Variants in CUX2 observed in about 807,000 individuals in gnomAD.
CUX2 encodes cut like homeobox 2.
CUX2 carries 40 observed loss-of-function variants against 144.8 expected under a neutral mutation model. The observed-to-expected ratio is 0.28, with a 90% confidence interval of 0.21 to 0.36. CUX2 has a LOEUF of 0.36. CUX2 is among the 10% of genes least tolerant of loss of function. The pLI, the probability that CUX2 is intolerant of heterozygous loss-of-function variation, is 1.00. For missense variants in CUX2, 1,615 were observed against 1,994.0 expected, an observed-to-expected ratio of 0.81 and a Z score of 3.62; for synonymous variants, 827 against 875.6, an observed-to-expected ratio of 0.94 and a Z score of 0.98.
At position 111,293,977 on chromosome 12, in the gene CUX2, T is replaced by A. The variant is rs991251738; in HGVS notation, c.560+408T>A. Among the ~76,000 whole-genome samples, 4 of 152,264 alleles carry A rather than the reference T, an allele frequency of 2.6e-5. No individual in the cohort carries two copies. Among genetic ancestry groups the A allele is most frequent in the Non-Finnish European group, 5.9e-5 (4 of 68,046 alleles). On this transcript the variant is annotated intron_variant, in intron 6 of 21. Transcript: ENST00000261726. This position sits in a 1 kb window ranked among gnomAD's most constrained non-coding sequence, Gnocchi z 4.5. ...GCAGGAGTTGGTGCTGCAATCTTTT[T>A]AAATTTTATTTTACAATAATTATAA...
intron 18 of CUX2, among the ~76,000 whole-genome samples, chr12:111,329,033 C>T (rs1396338543): frequency 7.6e-6 from 1 of 131,054 alleles, no homozygotes; most frequent in South Asian, 3.0e-4. Context: ...TCTCTCTCCC[C>T]CTGCCTCTCT....
chr12:111,126,223 C>T (rs1330050727), intron 1 of CUX2, among the ~76,000 whole-genome samples: 1 of 151,978 alleles, frequency 6.6e-6, no homozygotes, highest in Non-Finnish European at 1.5e-5. Flanking sequence ...ATTCTCCTGC[C>T]TCAGTCTCCC....
At chr12:111,134,864 T>C (rs1875754789) in intron 1 of CUX2, among the ~76,000 whole-genome samples, 1 of 152,144 alleles carries the variant, frequency 6.6e-6, no homozygotes, top group Non-Finnish European at 1.5e-5. Context: ...AGAAGGACCA[T>C]GTGTGCTTGG....
intron 1 of CUX2, among the ~76,000 whole-genome samples, chr12:111,115,286 T>C (rs1267986891): frequency 1.5e-5 from 2 of 129,220 alleles, no homozygotes; most frequent in Non-Finnish European, 3.1e-5. Flanking sequence ...TTTCTTTTTT[T>C]TTTTTTTTTT....
At chr12:111,130,139 G>T (rs1222935158) in intron 1 of CUX2, among the ~76,000 whole-genome samples, 4 of 152,192 alleles carry the variant, frequency 2.6e-5, no homozygotes, top group African/African-American at 9.7e-5. Flanking sequence ...AAAATTAACA[G>T]TATAAACTTT....
rs1026347237 is a variant in CUX2, at chr12:111,282,987, C to T, written c.302-8431C>T. On this transcript the variant is annotated intron_variant, in intron 4 of 21. Transcript: ENST00000261726. ...CAGCACTTTGGAAGGCCGAGACAGGCGGATCACTTGAGGTCAGGAGTTAGA... is the reference window on the plus strand; with the variant it reads ...CAGCACTTTGGAAGGCCGAGACAGGTGGATCACTTGAGGTCAGGAGTTAGA... Among the ~76,000 whole-genome samples the T allele has an allele frequency of 3.3e-5, 5 of 152,012 alleles. No homozygotes were observed. The South Asian group carries it at 6.2e-4, about 19-fold the overall frequency.
chr12:111,195,530 C>T lies in CUX2; in HGVS notation c.64-18670C>T, dbSNP rs113782900. On this transcript the variant is annotated intron_variant, in intron 1 of 21. Coordinates refer to ENST00000261726, the MANE Select transcript of CUX2 (RefSeq NM_015267.4). ...GAAATTGGTTCTTGCAAGCTTCTGC[C>T]AACATCGCTGGGAGAACTGGGTGGA... Among the ~76,000 whole-genome samples, 785 of 152,338 alleles carry T rather than the reference C, an allele frequency of 5.2e-3. 16 individuals carry two copies. The highest frequency in any genetic ancestry group is 0.018 in the African/African-American group (754 of 41,566).
At chr12:111,318,737 C>T (rs879256895) in intron 16 of CUX2, among the ~76,000 whole-genome samples, 3 of 151,880 alleles carry the variant, frequency 2.0e-5, no homozygotes, top group Non-Finnish European at 4.4e-5. Flanking sequence ...GGTCGGAGTG[C>T]AATCTTGGTT....
chr12:111,323,530 G>A (rs148661844), intron 18 of CUX2, among the ~76,000 whole-genome samples: 1,742 of 152,288 alleles, frequency 0.011, 24 homozygotes, highest in Non-Finnish European at 0.019. Context: ...GGGGGCTCAC[G>A]CCTGTAATCC....
intron 1 of CUX2, among the ~76,000 whole-genome samples, chr12:111,060,593 C>T (rs1870723978): frequency 6.6e-6 from 1 of 152,238 alleles, no homozygotes; most frequent in Admixed American, 6.5e-5. Flanking sequence ...AATAAATGCC[C>T]ATGGATGGGC....
At chr12:111,198,191 A>G (rs1880357336) in intron 1 of CUX2, among the ~76,000 whole-genome samples, 1 of 152,130 alleles carries the variant, frequency 6.6e-6, no homozygotes, top group Non-Finnish European at 1.5e-5. Flanking sequence ...ATTGTCTATT[A>G]AGGCCAGGTG....
At chr12:111,207,373 G>A (rs932675528) in intron 1 of CUX2, among the ~76,000 whole-genome samples, 2 of 152,164 alleles carry the variant, frequency 1.3e-5, no homozygotes, top group Admixed American at 1.3e-4. Context: ...GAGGATCCAG[G>A]CTATATCGGG....
At chr12:111,257,665 T>G (rs1441419387) in intron 3 of CUX2, among the ~76,000 whole-genome samples, 2 of 115,310 alleles carry the variant, frequency 1.7e-5, no homozygotes, top group African/African-American at 7.0e-5. Flanking sequence ...TCCTCCTCCC[T>G]CTTCCCCCCT....
chr12:111,222,915 C>T (rs972853777), intron 3 of CUX2, among the ~76,000 whole-genome samples: 5 of 152,164 alleles, frequency 3.3e-5, no homozygotes, highest in African/African-American at 1.2e-4. Flanking sequence ...ATCATTTAGT[C>T]ACCTCAACAA....
At chr12:111,214,071 TTTCTCAGCTTTG>T in intron 1 of CUX2, 117 bp from the exon 2 acceptor site, 1 of 465,468 alleles carries the variant, frequency 2.1e-6, no homozygotes, top group Non-Finnish European at 3.8e-6. Flanking sequence ...TATCCTGTCT[TTTCTCAGCTTTG>T]TAAGTTAAGA....
intron 17 of CUX2, among the ~76,000 whole-genome samples, chr12:111,321,412 C>T (rs1887522504): frequency 1.3e-5 from 2 of 151,516 alleles, no homozygotes; most frequent in African/African-American, 4.9e-5. Context: ...GGGGTTGCAG[C>T]GAGCCAAGAT....
rs564706157 is a variant in CUX2, at chr12:111,046,937, G to A, written c.63+12697G>A. On this transcript the variant is annotated intron_variant, in intron 1 of 21. Transcript: ENST00000261726. ...CTCCCACAGTGCTGGGATTGCAGGCGTGAGCCACCACGCCCGGCCCCTTGC... is the reference window on the plus strand; with the variant it reads ...CTCCCACAGTGCTGGGATTGCAGGCATGAGCCACCACGCCCGGCCCCTTGC... 6.6e-5 allele frequency among the ~76,000 whole-genome samples: 10 copies of A among 152,352 alleles called. No individual in the cohort carries two copies. The East Asian group carries it at 1.2e-3, about 18-fold the overall frequency.
At chr12:111,299,984 T>G (rs1886209707) in intron 9 of CUX2, among the ~76,000 whole-genome samples, 1 of 152,176 alleles carries the variant, frequency 6.6e-6, no homozygotes, top group African/African-American at 2.4e-5. Flanking sequence ...GCTCAGGTGA[T>G]CCTCCCACCT....
chr12:111,229,179 C>T (rs575804640), intron 3 of CUX2, among the ~76,000 whole-genome samples: 1 of 152,156 alleles, frequency 6.6e-6, no homozygotes. Flanking sequence ...CCGAATGCTG[C>T]CTCCACAAAG....
Sources: allele counts gnomAD v4.1 joint callset (sites outside exome capture counted in the v4.1 genomes callset), GRCh38; gene constraint gnomAD v4.1.1; non-coding constraint Gnocchi (gnomAD v3.1); transcripts MANE v1.5; gene names NCBI Gene and HGNC (gene_info 2026-07-23, HGNC 2026-07-21).